The following RSPO3 variants were observed in gnomAD, a reference collection of about 807,000 sequenced individuals.
The protein encoded by RSPO3 is R-spondin 3, also known as R-spondin-3.
A neutral mutation model predicts 36.5 loss-of-function variants in RSPO3; 17 were observed. The ratio of observed to expected loss-of-function variants is 0.47; its 90% CI spans 0.32 to 0.70. The LOEUF is 0.70. RSPO3 is among the 30% of genes least tolerant of loss of function. RSPO3 has a pLI of 0.04. For missense variants in RSPO3, 294 were observed against 322.5 expected (o/e 0.91, Z 0.68); for synonymous variants, 108 against 107.0 (o/e 1.01, Z -0.06).
In RSPO3 at chr6:127,119,052, C is replaced by G; in HGVS notation, c.-141C>G. 1 of 586,390 alleles carries G rather than the reference C, an allele frequency of 1.7e-6. No homozygotes were observed. The highest frequency in any genetic ancestry group is 2.7e-5 in the South Asian group (1 of 37,370). 36.3% of individuals were successfully genotyped at this position (586,390 alleles called of 1,614,324 possible). A position where few individuals can be genotyped will look rare whatever the true frequency, so the allele number is the denominator to read the frequency against. ...CCACTTCGCTTGCCATCACAGCACG[C>G]CTATCGGATGTGAGAGGAGAAGTCC... is the stretch of plus-strand genomic sequence containing the variant. On this transcript the variant is annotated 5_prime_UTR_variant, in exon 1 of 5. Coordinates refer to ENST00000356698, the MANE Select transcript of RSPO3 (RefSeq NM_032784.5).
chr6:127,179,785 T>C (rs1207668898), intron 4 of RSPO3, among the ~76,000 whole-genome samples: 1 of 151,874 alleles, frequency 6.6e-6, no homozygotes, highest in African/African-American at 2.4e-5. Flanking sequence ...TTCCAGATTT[T>C]ACAGGCTGCT....
At chr6:127,125,434 C>A (rs942070305) in intron 1 of RSPO3, among the ~76,000 whole-genome samples, 8 of 152,144 alleles carry the variant, frequency 5.3e-5, no homozygotes, top group African/African-American at 1.9e-4. Context: ...CTGAATAACC[C>A]AAGAAAGTCC....
At chr6:127,188,190 G>A (rs573037756) in intron 4 of RSPO3, among the ~76,000 whole-genome samples, 29 of 152,264 alleles carry the variant, frequency 1.9e-4, no homozygotes, top group African/African-American at 6.7e-4. Context: ...CAGATTCTGA[G>A]TCTTTAGTGG....
chr6:127,198,177 C>T lies in RSPO3; in HGVS notation c.*2170C>T, dbSNP rs1226975431. Among the ~76,000 whole-genome samples the T allele has an allele frequency of 6.6e-6, 1 of 152,216 alleles. No individual in the cohort carries two copies. Among genetic ancestry groups the T allele is most frequent in the Non-Finnish European group, 1.5e-5 (1 of 68,036 alleles). On this transcript the variant is annotated 3_prime_UTR_variant, in exon 5 of 5. Transcript: ENST00000356698. ...CTATCAGGTCTTCCCATGTGTTTGA[C>T]TCAAACTTATTACCCTATGGTCCTT... is the stretch of plus-strand genomic sequence containing the variant.
chr6:127,141,867 A>G (rs1457067166), intron 1 of RSPO3, among the ~76,000 whole-genome samples: 1 of 151,886 alleles, frequency 6.6e-6, no homozygotes, highest in African/African-American at 2.4e-5. Flanking sequence ...ATATATATGT[A>G]TATACACACA....
chr6:127,163,894 T>A (rs1774760682), intron 4 of RSPO3, among the ~76,000 whole-genome samples: 1 of 152,048 alleles, frequency 6.6e-6, no homozygotes, highest in South Asian at 2.1e-4. Context: ...CACTAAGTCC[T>A]CAAACAATAT....
Position 127,139,027 on chromosome 6 carries a change from A to G in RSPO3, c.98-9621A>G, listed in dbSNP as rs572779936. Among the ~76,000 whole-genome samples the G allele has an allele frequency of 6.6e-5, 10 of 152,286 alleles. No individual in the cohort carries two copies. The South Asian group carries it at 1.9e-3, about 28-fold the overall frequency. ...GCCATGCACATAAGTATAAAGATGC[A>G]TCATACTTACAAAGGTGCATGTATA... On this transcript the variant is annotated intron_variant, in intron 1 of 4. Transcript: ENST00000356698.
chr6:127,162,985 G>A (rs1774740458), intron 4 of RSPO3, among the ~76,000 whole-genome samples: 1 of 152,040 alleles, frequency 6.6e-6, no homozygotes, highest in Non-Finnish European at 1.5e-5. Flanking sequence ...TACAGCTTGT[G>A]GTTGTGGAAC....
intron 4 of RSPO3, among the ~76,000 whole-genome samples, chr6:127,167,452 C>T (rs930915094): frequency 5.3e-5 from 8 of 151,968 alleles, no homozygotes; most frequent in South Asian, 4.2e-4. Context: ...GGACATGATC[C>T]GATTCCCTTT....
Position 127,197,391 on chromosome 6 carries a change from T to C in RSPO3, c.*1384T>C, listed in dbSNP as rs1477199884. 1 of 1,549,684 alleles carries C rather than the reference T, an allele frequency of 6.5e-7. No individual in the cohort carries two copies. The highest frequency in any genetic ancestry group is 8.7e-7 in the Non-Finnish European group (1 of 1,146,600). ...CCTGCATCTTCAACATTTAGTCTTT[T>C]CTTCTCCATATTTTCTATCTGTGGA... On this transcript the variant is annotated 3_prime_UTR_variant, in exon 5 of 5. Coordinates refer to ENST00000356698, the MANE Select transcript of RSPO3 (RefSeq NM_032784.5).
chr6:127,152,327 C>T (rs1774505998), intron 3 of RSPO3, among the ~76,000 whole-genome samples: 1 of 152,094 alleles, frequency 6.6e-6, no homozygotes, highest in South Asian at 2.1e-4. Context: ...GTTGTTTGCT[C>T]AATAAGAGAT....
intron 4 of RSPO3, among the ~76,000 whole-genome samples, chr6:127,170,089 T>C (rs1226178567): frequency 6.6e-6 from 1 of 151,538 alleles, no homozygotes; most frequent in Non-Finnish European, 1.5e-5. Context: ...GCCAAAAAAG[T>C]TGAGGCTTAA....
chr6:127,170,434 TACAC>T (rs141558102), intron 4 of RSPO3, among the ~76,000 whole-genome samples: 10 of 148,976 alleles, frequency 6.7e-5, no homozygotes, highest in Non-Finnish European at 9.0e-5. Context: ...GTTCCACACA[TACAC>T]ACACACACAC....
rs546606295 is a variant in RSPO3 at position 127,163,782 on chromosome 6, T to C, written c.634+8344T>C. On this transcript the variant is annotated intron_variant, in intron 4 of 4. Coordinates refer to ENST00000356698, the MANE Select transcript of RSPO3 (RefSeq NM_032784.5). The stretch of plus-strand genomic sequence containing the variant: ...CAATGATAGTCCTTTTTCACCAAGC[T>C]CACTGTTCTGCCCTCTGTATTCTGC... Among the ~76,000 whole-genome samples, 12 of 152,224 alleles carry C rather than the reference T, an allele frequency of 7.9e-5. No individual in the cohort carries two copies. In the East Asian group the frequency reaches 2.1e-3, roughly 27 times the overall value.
intron 1 of RSPO3, among the ~76,000 whole-genome samples, chr6:127,130,034 T>G (rs1774020561): frequency 6.6e-6 from 1 of 152,132 alleles, no homozygotes; most frequent in African/African-American, 2.4e-5. Flanking sequence ...TATGATTTCT[T>G]GTACTGAAAA....
chr6:127,171,409 T>C (rs1241017642), intron 4 of RSPO3, among the ~76,000 whole-genome samples: 2 of 151,772 alleles, frequency 1.3e-5, no homozygotes, highest in Non-Finnish European at 2.9e-5. Context: ...GAAGTGGCTC[T>C]CATGATATAC....
chr6:127,134,925 C>T (rs1015039967), intron 1 of RSPO3, among the ~76,000 whole-genome samples: 5 of 152,148 alleles, frequency 3.3e-5, no homozygotes, highest in African/African-American at 1.2e-4. Context: ...ATACACCCTG[C>T]TTTTCATTAA....
intron 1 of RSPO3, among the ~76,000 whole-genome samples, chr6:127,129,991 G>A (rs1225223120): frequency 2.6e-5 from 4 of 152,136 alleles, no homozygotes; most frequent in Non-Finnish European, 5.9e-5. Context: ...TATCAGACAA[G>A]CAATTCTAAA....
intron 4 of RSPO3, among the ~76,000 whole-genome samples, chr6:127,173,134 A>G (rs191539034): frequency 3.3e-4 from 50 of 151,596 alleles, no homozygotes; most frequent in Non-Finnish European, 5.9e-4. Flanking sequence ...CATTGTTGAA[A>G]AAATTGAAAA....
Sources: allele counts gnomAD v4.1 joint callset (sites outside exome capture counted in the v4.1 genomes callset), GRCh38; gene constraint gnomAD v4.1.1; transcripts MANE v1.5; gene names NCBI Gene and HGNC (gene_info 2026-07-23, HGNC 2026-07-21).